Variants in C1QTNF3 observed in about 807,000 individuals in gnomAD.
The protein encoded by C1QTNF3 is C1q and TNF related 3.
C1QTNF3 carries 26 observed loss-of-function variants against 32.6 expected under a neutral mutation model. The observed-to-expected ratio is 0.80, with a 90% CI of 0.58 to 1.11. The LOEUF is 1.11. Among genes scored for constraint, C1QTNF3 ranks in the 50% least tolerant of loss-of-function variants. C1QTNF3 has a pLI of 0.00. For missense variants in C1QTNF3, 362 were observed against 398.2 expected, an observed-to-expected ratio of 0.91 and a Z score of 0.77; for synonymous variants, 155 against 146.0, an observed-to-expected ratio of 1.06 and a Z score of -0.44.
chr5:34,134,723 T>G, the C1QTNF3 span, among the ~76,000 whole-genome samples: 1 of 152,138 alleles, frequency 6.6e-6, no homozygotes, highest in African/African-American at 2.4e-5. Context: ...GCTCTCTGTT[T>G]GTCTGTTATT....
the C1QTNF3 span, among the ~76,000 whole-genome samples, chr5:34,086,258 G>C: frequency 7.0e-6 from 1 of 143,736 alleles, no homozygotes. Flanking sequence ...ATGGGCACAG[G>C]GAGGGGAACA....
chr5:34,163,208 A>C, the C1QTNF3 span, among the ~76,000 whole-genome samples: 149 of 152,280 alleles, frequency 9.8e-4, 1 homozygote, highest in South Asian at 0.031. Flanking sequence ...TAAGGGAAAT[A>C]ATATAGCTAA....
At chr5:34,163,336 T>G in the C1QTNF3 span, among the ~76,000 whole-genome samples, 1 of 152,086 alleles carries the variant, frequency 6.6e-6, no homozygotes, top group South Asian at 2.1e-4. Flanking sequence ...ACCTAAAATA[T>G]AAACTTTTTA....
chr5:34,064,525 G>C, the C1QTNF3 span, among the ~76,000 whole-genome samples: 136 of 152,294 alleles, frequency 8.9e-4, 1 homozygote, highest in African/African-American at 3.1e-3. Flanking sequence ...AGCTCAATTA[G>C]GATGACCCTG....
chr5:34,211,021 ATT>A, the C1QTNF3 span, among the ~76,000 whole-genome samples: 1 of 151,614 alleles, frequency 6.6e-6, no homozygotes, highest in South Asian at 2.1e-4. Context: ...TATTATTTCT[ATT>A]TCTAATGTTA....
At chr5:34,208,968 C>A in the C1QTNF3 span, among the ~76,000 whole-genome samples, 1 of 152,108 alleles carries the variant, frequency 6.6e-6, no homozygotes, top group Non-Finnish European at 1.5e-5. Context: ...TGTTTAGAGA[C>A]AATTTTAGTT....
chr5:34,188,819 A>C, the C1QTNF3 span, among the ~76,000 whole-genome samples: 8 of 152,202 alleles, frequency 5.3e-5, no homozygotes, highest in African/African-American at 1.9e-4. Context: ...ATTGCTTTTG[A>C]AATATGAGGA....
the C1QTNF3 span, chr5:34,219,803 T>C: frequency 2.0e-5 from 3 of 152,092 alleles, no homozygotes; most frequent in Non-Finnish European, 4.4e-5. Flanking sequence ...TTCTTTAAAA[T>C]AACAATTCAT....
the C1QTNF3 span, among the ~76,000 whole-genome samples, chr5:34,095,788 A>G: frequency 6.6e-6 from 1 of 152,098 alleles, no homozygotes; most frequent in South Asian, 2.1e-4. Flanking sequence ...CTTTTAAGAT[A>G]TATACGAATA....
At chr5:34,130,510 C>CCAGGT in the C1QTNF3 span, among the ~76,000 whole-genome samples, 3 of 151,598 alleles carry the variant, frequency 2.0e-5, no homozygotes, top group African/African-American at 7.3e-5. Context: ...AAGGAGTTTA[C>CCAGGT]CAGGTCCAAG....
At chr5:34,225,357 C>A in the C1QTNF3 span, among the ~76,000 whole-genome samples, 1 of 152,042 alleles carries the variant, frequency 6.6e-6, no homozygotes. Flanking sequence ...TATCTCTACA[C>A]AATCCTTTGA....
the C1QTNF3 span, among the ~76,000 whole-genome samples, chr5:34,226,238 T>A: frequency 6.6e-6 from 1 of 151,886 alleles, no homozygotes; most frequent in Admixed American, 6.6e-5. Context: ...GAGAGAAAAA[T>A]TTAAAAATCC....
the C1QTNF3 span, among the ~76,000 whole-genome samples, chr5:34,241,743 T>A: frequency 3.0e-4 from 43 of 144,274 alleles, no homozygotes; most frequent in East Asian, 7.4e-3. Flanking sequence ...TCTATACAAA[T>A]TTTTTTTTTT....
At chr5:34,109,482 G>A in the C1QTNF3 span, among the ~76,000 whole-genome samples, 1 of 151,980 alleles carries the variant, frequency 6.6e-6, no homozygotes, top group Non-Finnish European at 1.5e-5. Flanking sequence ...AATAAAAATT[G>A]CTAATTAATT....
At chr5:34,081,755 AATG>A in the C1QTNF3 span, among the ~76,000 whole-genome samples, 1 of 151,632 alleles carries the variant, frequency 6.6e-6, no homozygotes, top group Non-Finnish European at 1.5e-5. Flanking sequence ...GTTTATTTAT[AATG>A]ATAAGTCATG....
chr5:34,081,162 C>T, the C1QTNF3 span, among the ~76,000 whole-genome samples: 1 of 151,644 alleles, frequency 6.6e-6, no homozygotes, highest in Non-Finnish European at 1.5e-5. Flanking sequence ...GGAAGATTTA[C>T]TTATATACAG....
chr5:34,216,270 G>C, the C1QTNF3 span, among the ~76,000 whole-genome samples: 1 of 152,096 alleles, frequency 6.6e-6, no homozygotes, highest in African/African-American at 2.4e-5. Context: ...ACACCAGAAG[G>C]GGATATTCCT....
the C1QTNF3 span, among the ~76,000 whole-genome samples, chr5:34,083,435 C>T: frequency 1.3e-5 from 2 of 150,982 alleles, no homozygotes; most frequent in African/African-American, 4.9e-5. Context: ...TCTGCACTAG[C>T]ACAGCAGCTT....
the C1QTNF3 span, among the ~76,000 whole-genome samples, chr5:34,130,819 C>G: frequency 6.6e-6 from 1 of 152,222 alleles, no homozygotes; most frequent in African/African-American, 2.4e-5. Context: ...GGTGTGAGAC[C>G]AGGTCAGGGC....
Sources: allele counts gnomAD v4.1 joint callset (sites outside exome capture counted in the v4.1 genomes callset), GRCh38; gene constraint gnomAD v4.1.1; transcripts MANE v1.5; gene names NCBI Gene and HGNC (gene_info 2026-07-23, HGNC 2026-07-21).